Variants in CDH18 observed in about 807,000 individuals in gnomAD.
The protein encoded by CDH18 is cadherin 18, also known as cadherin-18.
A neutral mutation model predicts 67.9 loss-of-function variants in CDH18; 31 were observed. The ratio of observed to expected loss-of-function variants is 0.46; its 90% CI spans 0.34 to 0.62. The LOEUF is 0.62. CDH18 is among the 20% of genes least tolerant of loss of function. CDH18 has a pLI of 0.01. For synonymous variants in CDH18, 362 were observed against 347.2 expected, an observed-to-expected ratio of 1.04 and a Z score of -0.48; for missense variants, 890 against 975.5, an observed-to-expected ratio of 0.91 and a Z score of 1.17.
At chr5:20,270,856 T>C (rs1008554911) in intron 1 of CDH18, among the ~76,000 whole-genome samples, 10 of 152,104 alleles carry the variant, frequency 6.6e-5, no homozygotes, top group African/African-American at 1.9e-4. Context: ...TTGGAGGCCA[T>C]TATCCTTAGC....
chr5:20,570,892 C>T (rs1212224216), intron 1 of CDH18, among the ~76,000 whole-genome samples: 1 of 152,140 alleles, frequency 6.6e-6, no homozygotes, highest in Non-Finnish European at 1.5e-5. Flanking sequence ...TTCACAAAGA[C>T]AAATAGGCCA....
intron 2 of CDH18, among the ~76,000 whole-genome samples, chr5:20,153,677 C>T: frequency 6.6e-6 from 1 of 152,186 alleles, no homozygotes. Context: ...GGCTTCTCTT[C>T]CTGTCTTACA....
chr5:20,065,378 T>C (rs910654467), intron 2 of CDH18, among the ~76,000 whole-genome samples: 2 of 151,940 alleles, frequency 1.3e-5, no homozygotes, highest in Non-Finnish European at 2.9e-5. Flanking sequence ...TTATGTAATA[T>C]AAAAGTAGAT....
At chr5:19,695,382 G>T (rs1762410122) in intron 5 of CDH18, among the ~76,000 whole-genome samples, 1 of 152,210 alleles carries the variant, frequency 6.6e-6, no homozygotes, top group East Asian at 1.9e-4. Context: ...AGGATGCAGG[G>T]CTCTTGAATA....
At chr5:19,601,910 T>A (rs1747197979) in intron 6 of CDH18, among the ~76,000 whole-genome samples, 1 of 151,878 alleles carries the variant, frequency 6.6e-6, no homozygotes, top group Non-Finnish European at 1.5e-5. Flanking sequence ...TTTTATGATT[T>A]AAAAAAACAT....
intron 1 of CDH18, among the ~76,000 whole-genome samples, chr5:20,345,455 G>A (rs1050677342): frequency 1.8e-4 from 28 of 152,110 alleles, no homozygotes; most frequent in African/African-American, 6.3e-4. Context: ...TGCTTTCAAA[G>A]TGATTAGCCT....
Position 20,342,667 on chromosome 5 carries a change from T to C in CDH18, c.-579-87162A>G, listed in dbSNP as rs141294834. 7.4e-3 allele frequency among the ~76,000 whole-genome samples: 1,125 copies of C among 152,206 alleles called. 11 individuals carry two copies. Among genetic ancestry groups the C allele is most frequent in the African/African-American group, 0.025 (1,059 of 41,542 alleles). ...GTGTGGGATAATGGCAGAAGGAACA[T>C]AGAGTTGGATCAGACTGCATTTATT... On this transcript the variant is annotated intron_variant, in intron 1 of 14. Transcript: ENST00000507958.
chr5:19,687,252 C>A lies in CDH18; in HGVS notation c.643+34095G>T, dbSNP rs1295498862. Among the ~76,000 whole-genome samples, 3 of 152,268 alleles carry A rather than the reference C, an allele frequency of 2.0e-5. No homozygotes were observed. In the East Asian group the frequency reaches 5.8e-4, roughly 30 times the overall value. On this transcript the variant is annotated intron_variant, in intron 5 of 12. Coordinates refer to ENST00000382275, the MANE Select transcript of CDH18 (RefSeq NM_004934.5). ...GGGAGTGATGCTCCACTTGGTCCCA[C>A]ACACCTGCTAAGAGATAAGAAGTTG...
At chr5:19,836,930 A>T (rs573296565) in intron 3 of CDH18, among the ~76,000 whole-genome samples, 7 of 152,278 alleles carry the variant, frequency 4.6e-5, no homozygotes, top group Non-Finnish European at 7.4e-5. Flanking sequence ...AAGGATTATA[A>T]ATCATTCTAC....
chr5:19,805,673 C>T (rs1262085760), intron 3 of CDH18, among the ~76,000 whole-genome samples: 2 of 152,134 alleles, frequency 1.3e-5, no homozygotes, highest in African/African-American at 2.4e-5. Flanking sequence ...TAATACAAGC[C>T]GGAGCCTGCC....
chr5:20,136,909 T>C (rs145883641), intron 2 of CDH18, among the ~76,000 whole-genome samples: 1,815 of 152,312 alleles, frequency 0.012, 43 homozygotes, highest in African/African-American at 0.041. Flanking sequence ...GAATGTTGAA[T>C]ATTGGCCCCC....
chr5:19,587,895 C>T lies in CDH18; in HGVS notation c.999+3162G>A, dbSNP rs146741646. Among the ~76,000 whole-genome samples, 16 of 152,100 alleles carry T rather than the reference C, an allele frequency of 1.1e-4. No individual in the cohort carries two copies. The Middle Eastern group carries it at 0.01, about 97-fold the overall frequency. On this transcript the variant is annotated intron_variant, in intron 7 of 12. Coordinates refer to ENST00000382275, the MANE Select transcript of CDH18 (RefSeq NM_004934.5). ...GCTTTGGGCAGTATGGCCAATTTCA[C>T]GATATTGATTCTTCCTATCCATGAG...
chr5:20,347,159 G>A (rs1370184560), intron 1 of CDH18, among the ~76,000 whole-genome samples: 2 of 152,104 alleles, frequency 1.3e-5, no homozygotes, highest in African/African-American at 2.4e-5. Context: ...AGGACTTCTG[G>A]TAATGATTGT....
intron 4 of CDH18, among the ~76,000 whole-genome samples, chr5:19,738,694 T>C (rs1768687570): frequency 6.6e-6 from 1 of 152,122 alleles, no homozygotes; most frequent in Admixed American, 6.6e-5. Flanking sequence ...TCATAAAAAG[T>C]AAGTGGTAAG....
intron 3 of CDH18, among the ~76,000 whole-genome samples, chr5:19,812,575 G>A (rs1019430259): frequency 1.3e-5 from 2 of 152,032 alleles, no homozygotes; most frequent in Non-Finnish European, 1.5e-5. Flanking sequence ...TCCAGTAGAC[G>A]TCATTACAGG....
chr5:20,378,859 G>C (rs959476253), intron 1 of CDH18, among the ~76,000 whole-genome samples: 1 of 151,908 alleles, frequency 6.6e-6, no homozygotes, highest in Non-Finnish European at 1.5e-5. Context: ...AGTAACAAAG[G>C]GGTTGCAATA....
In CDH18 at chr5:19,611,949, C is replaced by CGTGTGTGTGTGTGTGT. The variant is rs3062879; in HGVS notation, c.811+469_811+484dup. Among the ~76,000 whole-genome samples the CGTGTGTGTGTGTGTGT allele has an allele frequency of 3.9e-3, 543 of 139,094 alleles. 8 individuals are homozygous for CGTGTGTGTGTGTGTGT. The highest frequency in any genetic ancestry group is 0.012 in the African/African-American group (468 of 37,852). The allele number at this position is 139,094 out of a possible 152,430, so 91.3% of individuals were successfully genotyped here. A position where few individuals can be genotyped will look rare whatever the true frequency, so the allele number is the denominator to read the frequency against. On this transcript the variant is annotated intron_variant, in intron 6 of 12. Coordinates refer to ENST00000382275, the MANE Select transcript of CDH18 (RefSeq NM_004934.5). ...AACTTCAACTTGCTTTTGGATGATGCGTGTGTGTGTGTGTGTGTGTGTGTG... is the reference window on the plus strand; with the variant it reads ...AACTTCAACTTGCTTTTGGATGATGCGTGTGTGTGTGTGTGTGTGTGTGTGTGTGTGTGTGTGTGTG...
intron 6 of CDH18, among the ~76,000 whole-genome samples, chr5:19,598,771 G>A (rs1247759750): frequency 6.6e-6 from 1 of 152,028 alleles, no homozygotes; most frequent in Non-Finnish European, 1.5e-5. Flanking sequence ...TGTAGCAAAG[G>A]ACATCCCACA....
At chr5:19,727,465 C>T (rs114480966) in intron 4 of CDH18, among the ~76,000 whole-genome samples, 115 of 152,276 alleles carry the variant, frequency 7.6e-4, no homozygotes, top group African/African-American at 2.5e-3. Flanking sequence ...CCACTAGATG[C>T]TATGGGAGAG....
Sources: allele counts gnomAD v4.1 joint callset (sites outside exome capture counted in the v4.1 genomes callset), GRCh38; gene constraint gnomAD v4.1.1; transcripts MANE v1.5; gene names NCBI Gene and HGNC (gene_info 2026-07-23, HGNC 2026-07-21).